Variants in CCDC9 observed in about 807,000 individuals in gnomAD.
The protein encoded by CCDC9 is coiled-coil domain containing 9, also known as coiled-coil domain-containing protein 9.
A neutral mutation model predicts 65.6 loss-of-function variants in CCDC9; 52 were observed. That is an observed-to-expected ratio of 0.79 (90% CI 0.63 to 1.00). The LOEUF (loss-of-function observed/expected upper bound fraction) is 1.00, where lower values mean the gene tolerates loss of function less well. Among genes scored for constraint, CCDC9 ranks in the 50% least tolerant of loss-of-function variants. The pLI is 0.00. For synonymous variants in CCDC9, 332 were observed against 280.3 expected, an observed-to-expected ratio of 1.18 and a Z score of -1.84; for missense variants, 834 against 757.2, an observed-to-expected ratio of 1.10 and a Z score of -1.19.
At chr19:47,275,511 G>C (rs2059154533), downstream of CCDC9, 1 of 1,010,318 alleles carries the variant, frequency 9.9e-7, no homozygotes, top group African/African-American at 1.7e-5. Flanking sequence ...GTGTCAGCTC[G>C]GGGCCTTGCC....
intron 7 of CCDC9, among the ~76,000 whole-genome samples, chr19:47,265,984 CTTTTTT>C (rs1158302196): frequency 1.4e-5 from 1 of 72,626 alleles, no homozygotes; most frequent in African/African-American, 8.2e-5. Flanking sequence ...CCGCTCCTGG[CTTTTTT>C]TTTTTTTTTT....
rs201789159 is a variant in CCDC9, at chr19:47,271,329, A to G, written c.1247A>G (p.Asn416Ser). 5.6e-6 allele frequency: 9 copies of G among 1,612,530 alleles called. No homozygotes were observed. The African/African-American group carries it at 1.1e-4, about 19-fold the overall frequency. ...CCTCCTGAAGACGAGGGGGAAGAGAATGAGGGGGAAGAGGATGAAGAATGG... is the reference window on the plus strand; with the variant it reads ...CCTCCTGAAGACGAGGGGGAAGAGAGTGAGGGGGAAGAGGATGAAGAATGG... The part of the protein sequence containing the change: ...HRPPEDEGEE[N>S]EGEEDEEWED... Residue 416 changes from asparagine (N) to serine (S), a missense_variant, in exon 12 of 12, where the codon AAT (asparagine) becomes AGT (serine). Physicochemically the swap from Asn to Ser is conservative, Grantham distance 46. Coordinates refer to ENST00000221922, the MANE Select transcript of CCDC9 (RefSeq NM_015603.3).
At chr19:47,269,793 G>C (rs77708498) in intron 8 of CCDC9, among the ~76,000 whole-genome samples, 2 of 152,158 alleles carry the variant, frequency 1.3e-5, no homozygotes, top group Non-Finnish European at 2.9e-5. Context: ...AGCCTGCTTA[G>C]CTGGAGAGGT....
At chr19:47,272,965 T>C (rs1737437084), downstream of CCDC9, among the ~76,000 whole-genome samples, 1 of 145,362 alleles carries the variant, frequency 6.9e-6, no homozygotes, top group South Asian at 2.1e-4. Flanking sequence ...ATAGCAGGCG[T>C]TGGCGAAGGA....
At chr19:47,261,567 C>T (rs1447222488) in intron 5 of CCDC9, among the ~76,000 whole-genome samples, 1 of 151,962 alleles carries the variant, frequency 6.6e-6, no homozygotes, top group East Asian at 1.9e-4. Context: ...CAAAAATTAG[C>T]TGGACGTGGT....
At position 47,258,549 on chromosome 19, in the gene CCDC9, C is replaced by G. The variant is rs557910476; in HGVS notation, c.4-10C>G. ...TTTCCTTCCATCCCTCAACTGCCTC[C>G]CGGTCTCAGGCAGCCACACTCGATT... On this transcript the variant is annotated splice_polypyrimidine_tract_variant and intron_variant, in intron 2 of 11. Transcript: ENST00000221922. The G allele has an allele frequency of 1.1e-5, 17 of 1,612,504 alleles. No homozygotes were observed. In the South Asian group the frequency reaches 1.4e-4, roughly 14 times the overall value.
At chr19:47,261,106 C>T (rs60054606) in intron 5 of CCDC9, among the ~76,000 whole-genome samples, 50,594 of 151,756 alleles carry the variant, frequency 0.33, 8,764 homozygotes, top group East Asian at 0.6. Context: ...TGCTCCCCGT[C>T]TTCTTGTTCC....
downstream of CCDC9, chr19:47,275,010 G>A (rs1476397953): frequency 2.7e-6 from 4 of 1,478,768 alleles, no homozygotes; most frequent in African/African-American, 5.9e-5. Flanking sequence ...GCTGCGCTTG[G>A]CTCCGGTATG....
Position 47,264,770 on chromosome 19 carries a change from C to T in CCDC9, c.547-3C>T. The stretch of plus-strand genomic sequence containing the variant: ...CGCCAACCCCCTGCTCTGCTGCCTG[C>T]AGGAAGGGGTTCTTGAACCCAACCC... On this transcript the variant is annotated splice_polypyrimidine_tract_variant and splice_region_variant and intron_variant, in intron 6 of 11. Transcript: ENST00000221922. The T allele has an allele frequency of 6.2e-7, 1 of 1,605,090 alleles. No individual in the cohort carries two copies. Among genetic ancestry groups the T allele is most frequent in the South Asian group, 1.1e-5 (1 of 90,160 alleles).
Position 47,260,581 on chromosome 19 carries a change from C to A in CCDC9, c.211-7C>A. On this transcript the variant is annotated splice_region_variant and splice_polypyrimidine_tract_variant and intron_variant, in intron 4 of 11. Coordinates refer to ENST00000221922, the MANE Select transcript of CCDC9 (RefSeq NM_015603.3). ...TGACTGTATTTTCCCCATCTCCCCTCTTCCAGGAGAAGAACCTGGGTCCTT... is the reference window on the plus strand; with the variant it reads ...TGACTGTATTTTCCCCATCTCCCCTATTCCAGGAGAAGAACCTGGGTCCTT... 1 of 1,532,012 alleles carries A rather than the reference C, an allele frequency of 6.5e-7. No homozygotes were observed. Among genetic ancestry groups the A allele is most frequent in the Non-Finnish European group, 8.7e-7 (1 of 1,147,344 alleles). 94.9% of individuals were successfully genotyped at this position (1,532,012 alleles called of 1,614,324 possible).
rs1010662014 is a variant in CCDC9 at position 47,262,680 on chromosome 19, C to G, written c.462+1841C>G. On this transcript the variant is annotated intron_variant, in intron 5 of 11. Coordinates refer to ENST00000221922, the MANE Select transcript of CCDC9 (RefSeq NM_015603.3). Reference sequence around the variant, plus strand: ...GTTGGTGAGAACTTAGACACCTGGTCATACCTAACCTCAAAGGAGACTGGG... The same window carrying G: ...GTTGGTGAGAACTTAGACACCTGGTGATACCTAACCTCAAAGGAGACTGGG... 2.0e-5 allele frequency among the ~76,000 whole-genome samples: 3 copies of G among 152,146 alleles called. No homozygotes were observed. In the East Asian group the frequency reaches 5.8e-4, roughly 29 times the overall value.
chr19:47,275,472 C>G (rs1425963313), downstream of CCDC9: 1 of 1,338,504 alleles, frequency 7.5e-7, no homozygotes, highest in Non-Finnish European at 9.9e-7. Flanking sequence ...TCTCTGGAGC[C>G]GTCATCCCGC....
intron 8 of CCDC9, 107 bp downstream of exon 8, chr19:47,266,899 C>A: frequency 7.6e-7 from 1 of 1,317,202 alleles, no homozygotes; most frequent in Non-Finnish European, 1.0e-6. Flanking sequence ...GAGTGAGTGA[C>A]TGCCAAGTAT....
At chr19:47,268,353 C>G (rs1440979337) in intron 8 of CCDC9, among the ~76,000 whole-genome samples, 1 of 152,124 alleles carries the variant, frequency 6.6e-6, no homozygotes, top group Non-Finnish European at 1.5e-5. Flanking sequence ...CCATTCTTTC[C>G]TGTGTTGAAA....
intron 8 of CCDC9, among the ~76,000 whole-genome samples, chr19:47,269,026 G>C (rs1277732310): frequency 6.6e-6 from 1 of 152,072 alleles, no homozygotes; most frequent in Non-Finnish European, 1.5e-5. Flanking sequence ...CTGGAGGACT[G>C]CTTGAACCCA....
intron 8 of CCDC9, among the ~76,000 whole-genome samples, chr19:47,269,169 A>T (rs1423987748): frequency 6.6e-6 from 1 of 152,046 alleles, no homozygotes; most frequent in Non-Finnish European, 1.5e-5. Flanking sequence ...CCTCTATGTC[A>T]TGGAAGGTTC....
chr19:47,274,227 A>G (rs3745606), downstream of CCDC9, among the ~76,000 whole-genome samples: 1 of 150,674 alleles, frequency 6.6e-6, no homozygotes, highest in Admixed American at 6.6e-5. Context: ...GCGGGCTGAG[A>G]GTGTGCTGGA....
chr19:47,264,815 G>C lies in CCDC9; in HGVS notation c.589G>C (p.Asp197His). Residue 197 changes from aspartate (D) to histidine (H), a missense_variant, in exon 7 of 12, where the codon GAC becomes CAC. Transcript: ENST00000221922. Reference sequence around the variant, plus strand: ...CAACCCAGTGCGGAACTTCCTGGACGACCCCCGGCGACGCAGCGGGCCCCT... The same window carrying C: ...CAACCCAGTGCGGAACTTCCTGGACCACCCCCGGCGACGCAGCGGGCCCCT... ...EPNPVRNFLD[D>H]PRRRSGPLEE... 6.4e-7 allele frequency: 1 copy of C among 1,566,516 alleles called. No individual in the cohort carries two copies. Among genetic ancestry groups the C allele is most frequent in the South Asian group, 1.2e-5 (1 of 84,088 alleles).
chr19:47,274,001 G>C (rs1354879955), downstream of CCDC9: 9 of 984,136 alleles, frequency 9.1e-6, no homozygotes, highest in Non-Finnish European at 1.1e-5. Context: ...GCTGGGAGGG[G>C]ACTGAAGCTT....
Sources: gnomAD v4.1 joint callset for allele counts (sites outside exome capture counted in the v4.1 genomes callset) on GRCh38, gnomAD v4.1.1 for gene constraint, MANE v1.5 for transcripts, NCBI Gene and HGNC (gene_info 2026-07-23, HGNC 2026-07-21) for gene names.